The following INTS1 variants were observed in gnomAD, a reference collection of about 807,000 sequenced individuals.
INTS1 encodes the protein integrator complex subunit 1.
A neutral mutation model predicts 241.6 loss-of-function variants in INTS1; 137 were observed. The observed-to-expected ratio is 0.57, with a 90% CI of 0.49 to 0.65. The LOEUF is 0.65. INTS1 is among the 30% of genes least tolerant of loss of function. The pLI, the probability that INTS1 is intolerant of heterozygous loss-of-function variation, is 0.00. For synonymous variants in INTS1, 1,692 were observed against 1,337.8 expected (o/e 1.26, Z -5.78); for missense variants, 3,073 against 3,032.2 (o/e 1.01, Z -0.32).
intron 13 of INTS1, 130 bp downstream of exon 13, chr7:1,495,303 T>TG: frequency 9.1e-7 from 1 of 1,095,164 alleles, no homozygotes; most frequent in Non-Finnish European, 1.2e-6. Context: ...TAGTGGGGTG[T>TG]GGGGCAGGGG....
rs1222229230 is a variant in INTS1, at chr7:1,493,150, C to T, written c.2069-44G>A. ...CATGGGTTCTGGGGCTGCTCACAGA[C>T]CATCAGGCACAGGCAGCGAGGGAAC... On this transcript the variant is annotated intron_variant, in intron 15 of 47. Coordinates refer to ENST00000404767, the MANE Select transcript of INTS1 (RefSeq NM_001080453.3). This position sits in a 1 kb window ranked among gnomAD's most constrained non-coding sequence, Gnocchi z 5.3. The T allele has an allele frequency of 9.7e-6, 15 of 1,540,542 alleles. No individual in the cohort carries two copies. The highest frequency in any genetic ancestry group is 1.4e-5 in the African/African-American group (1 of 73,390).
In INTS1 at chr7:1,499,959, C is replaced by A. The variant is rs528708679; in HGVS notation, c.609G>T (p.Leu203=). 3.1e-6 allele frequency: 5 copies of A among 1,613,596 alleles called. No individual in the cohort carries two copies. Among genetic ancestry groups the A allele is most frequent in the Non-Finnish European group, 4.2e-6 (5 of 1,179,880 alleles). The change falls in exon 5 of 48, where the codon CTG becomes CTT. Residue 203 remains leucine, a synonymous_variant. Transcript: ENST00000404767. ...SINFKAKGNS[L]VSVLACNLLM... ...GGAGGTTACAGGCCAGCACAGACAC[C>A]AGGCTGTTCCCCTTGGCCTTGAAGT...
At chr7:1,486,842 GCT>G in intron 21 of INTS1, 68 bp from the exon 22 acceptor site, 1 of 1,595,930 alleles carries the variant, frequency 6.3e-7, no homozygotes, top group Non-Finnish European at 8.5e-7. Context: ...GGGGTGCGCG[GCT>G]GGTGGGCTCA....
At position 1,484,031 on chromosome 7, in the gene INTS1, C is replaced by T; in HGVS notation, c.3401G>A (p.Ser1134Asn). The change falls in exon 25 of 48, where the codon AGC (serine) becomes AAC (asparagine). Residue 1134 changes from serine to asparagine, a missense_variant. Coordinates refer to ENST00000404767, the MANE Select transcript of INTS1 (RefSeq NM_001080453.3). The stretch of plus-strand genomic sequence containing the variant: ...GCTGTAGACCTCCTCGCCCTCCTTG[C>T]TCTGCCGCATGCGCCTCACGTAGCG... The part of the protein sequence containing the change: ...FSRYVRRMRQ[S>N]KEGEEVYSWS... 6.2e-7 allele frequency: 1 copy of T among 1,610,730 alleles called. No homozygotes were observed. Among genetic ancestry groups the T allele is most frequent in the Middle Eastern group, 1.7e-4 (1 of 6,040 alleles).
At chr7:1,475,085 A>G (rs1781647401) in intron 39 of INTS1, among the ~76,000 whole-genome samples, 1 of 152,240 alleles carries the variant, frequency 6.6e-6, no homozygotes, top group African/African-American at 2.4e-5. Flanking sequence ...GAAACAAGCC[A>G]AAACTACACA....
intron 14 of INTS1, 98 bp downstream of exon 14, chr7:1,494,718 C>T (rs1409413941): frequency 4.1e-6 from 5 of 1,207,774 alleles, no homozygotes; most frequent in Admixed American, 4.0e-5. Context: ...TGGGAACAGC[C>T]GCCCAACTCC....
intron 12 of INTS1, 111 bp downstream of exon 12, chr7:1,496,045 G>T: frequency 1.3e-6 from 1 of 764,568 alleles, no homozygotes; most frequent in Non-Finnish European, 2.2e-6. Context: ...CGTGCTGCGG[G>T]ACCGCTCCTG....
Position 1,474,157 on chromosome 7 carries a change from G to A in INTS1, c.5829+11C>T, listed in dbSNP as rs770124569. 2.6e-6 allele frequency: 4 copies of A among 1,549,270 alleles called. No homozygotes were observed. The highest frequency in any genetic ancestry group is 1.8e-5 in the Admixed American group (1 of 55,902). On this transcript the variant is annotated intron_variant, in intron 41 of 47. Transcript: ENST00000404767. ...GAAGGGAGCGCGAGGGCGGGCGGCG[G>A]GAGCACACACCAGCAGCAGGCGGAT... is the stretch of plus-strand genomic sequence containing the variant.
intron 4 of INTS1, 54 bp downstream of exon 4, chr7:1,500,116 G>C: frequency 1.3e-6 from 2 of 1,582,416 alleles, no homozygotes; most frequent in Middle Eastern, 1.7e-4. Context: ...GAGGTGAGGA[G>C]GGGAGCCAAG....
intron 31 of INTS1, 123 bp downstream of exon 31, chr7:1,479,307 T>C: frequency 5.0e-6 from 6 of 1,193,394 alleles, no homozygotes; most frequent in Non-Finnish European, 6.9e-6. Flanking sequence ...GGCACTGTCC[T>C]TTCTCACTTG....
intron 19 of INTS1, 78 bp from the exon 20 acceptor site, chr7:1,487,527 G>C: frequency 6.7e-7 from 1 of 1,501,138 alleles, no homozygotes; most frequent in Admixed American, 2.0e-5. Context: ...TCCCATCCCT[G>C]CTTCGAGGGG....
In INTS1 at chr7:1,477,702, G is replaced by C. The variant is rs369847088; in HGVS notation, c.4815-29C>G. 493 of 1,603,796 alleles carry C rather than the reference G, an allele frequency of 3.1e-4. No homozygotes were observed. In the African/African-American group the frequency reaches 4.9e-3, roughly 16 times the overall value. ...CAGGGAGAAGGTGGCTCAGGGAAGG[G>C]CTGGTGCCACCCGCCTGCCCACCCT... On this transcript the variant is annotated intron_variant, in intron 34 of 47. Coordinates refer to ENST00000404767, the MANE Select transcript of INTS1 (RefSeq NM_001080453.3).
At chr7:1,492,601 C>T (rs543427407) in intron 16 of INTS1, among the ~76,000 whole-genome samples, 7 of 146,516 alleles carry the variant, frequency 4.8e-5, no homozygotes, top group Admixed American at 6.8e-5. Context: ...TCGATAAAGC[C>T]GTGAATATAT....
Position 1,478,896 on chromosome 7 carries a change from A to C in INTS1, c.4330-11T>G. 6.3e-7 allele frequency: 1 copy of C among 1,590,090 alleles called. No homozygotes were observed. ...CTGTGGCACACAGCGCTGCGGGGAC[A>C]AAGTGGCACGTGGCTACCCTGGCAG... On this transcript the variant is annotated splice_polypyrimidine_tract_variant and intron_variant, in intron 31 of 47. Coordinates refer to ENST00000404767, the MANE Select transcript of INTS1 (RefSeq NM_001080453.3).
Position 1,481,237 on chromosome 7 carries a change from C to A in INTS1, c.3850+105G>T. On this transcript the variant is annotated intron_variant, in intron 28 of 47. Transcript: ENST00000404767. This position sits in a 1 kb window ranked among gnomAD's most constrained non-coding sequence, Gnocchi z 6.8. ...CCCTCGAGTGCCACCCACACCCACC[C>A]GACCTCGGATCACCCACCCGCTCGC... is the stretch of plus-strand genomic sequence containing the variant. The A allele has an allele frequency of 7.5e-7, 1 of 1,336,364 alleles. No individual in the cohort carries two copies. Among genetic ancestry groups the A allele is most frequent in the Non-Finnish European group, 1.0e-6 (1 of 953,824 alleles). The allele number at this position is 1,336,364 out of a possible 1,614,324, so 82.8% of individuals were successfully genotyped here.
rs1262710014 is a variant in INTS1, at chr7:1,480,863, C to T, written c.3921G>A (p.Leu1307=). 1.3e-6 allele frequency: 2 copies of T among 1,554,800 alleles called. No individual in the cohort carries two copies. The highest frequency in any genetic ancestry group is 2.4e-5 in the East Asian group (1 of 41,518). Reference sequence around the variant, plus strand: ...GGCGGGGCGGCAGGGAGGCTGTGAGCAAGGAGTGGAAAGTCTGGCCTCCGG... The same window carrying T: ...GGCGGGGCGGCAGGGAGGCTGTGAGTAAGGAGTGGAAAGTCTGGCCTCCGG... The part of the protein sequence containing the change: ...GASGGQTFHS[L]LTASLPPRRD... Residue 1307 remains leucine (L), a synonymous_variant, in exon 29 of 48, where the codon TTG becomes TTA. Coordinates refer to ENST00000404767, the MANE Select transcript of INTS1 (RefSeq NM_001080453.3).
chr7:1,478,239 T>G, intron 33 of INTS1, 127 bp downstream of exon 33: 2 of 1,090,588 alleles, frequency 1.8e-6, no homozygotes, highest in South Asian at 3.1e-5. Flanking sequence ...AGGGGACCTC[T>G]GTGGGCACTT....
At chr7:1,472,995 G>A in intron 43 of INTS1, 77 bp downstream of exon 43, 1 of 971,420 alleles carries the variant, frequency 1.0e-6, no homozygotes, top group South Asian at 1.6e-5. Context: ...GCCCAGGGCT[G>A]GCTGTGCGCT....
intron 3 of INTS1, 97 bp from the exon 4 acceptor site, chr7:1,500,463 A>C: frequency 7.5e-7 from 1 of 1,332,456 alleles, no homozygotes. Flanking sequence ...CAGAGCTCTC[A>C]GGGTCGGCCC....
Sources: gnomAD v4.1 joint callset for allele counts (sites outside exome capture counted in the v4.1 genomes callset) on GRCh38, gnomAD v4.1.1 for gene constraint, Gnocchi (gnomAD v3.1) non-coding constraint, MANE v1.5 for transcripts, NCBI Gene and HGNC (gene_info 2026-07-23, HGNC 2026-07-21) for gene names.